The following IL1RAPL2 variants were observed in gnomAD, a reference collection of about 807,000 sequenced individuals.
The protein encoded by IL1RAPL2 is X-linked interleukin-1 receptor accessory protein-like 2.
A neutral mutation model predicts 44.1 loss-of-function variants in IL1RAPL2; 3 were observed. That is an observed-to-expected ratio of 0.07 (90% CI 0.03 to 0.18). IL1RAPL2 has a LOEUF of 0.18. Among genes scored for constraint, IL1RAPL2 ranks in the 10% least tolerant of loss-of-function variants. The pLI is 1.00. For synonymous variants in IL1RAPL2, 181 were observed against 178.8 expected, an observed-to-expected ratio of 1.01 and a Z score of -0.10; for missense variants, 391 against 496.4, an observed-to-expected ratio of 0.79 and a Z score of 2.02.
At chrX:105,358,769 T>A (rs181504432) in intron 5 of IL1RAPL2, among the ~76,000 whole-genome samples, 54 of 109,883 alleles carry the variant, frequency 4.9e-4, no homozygotes, top group Non-Finnish European at 9.3e-4. Flanking sequence ...AGCAAACCAA[T>A]AGCATCAATC....
intron 9 of IL1RAPL2, among the ~76,000 whole-genome samples, chrX:105,752,298 CTG>C (rs1195780799): frequency 8.9e-6 from 1 of 112,454 alleles, no homozygotes; most frequent in Admixed American, 9.4e-5. Flanking sequence ...GTTTAGCACT[CTG>C]TTTAGCACAG....
At chrX:105,657,391 A>G (rs1206652103) in intron 6 of IL1RAPL2, among the ~76,000 whole-genome samples, 1 of 111,995 alleles carries the variant, frequency 8.9e-6, no homozygotes, top group East Asian at 2.8e-4. Flanking sequence ...TTTAATTTTC[A>G]TAACATTATT....
chrX:105,299,898 T>C (rs1022328047), intron 5 of IL1RAPL2, among the ~76,000 whole-genome samples: 2 of 111,839 alleles, frequency 1.8e-5, no homozygotes, highest in African/African-American at 6.5e-5. Flanking sequence ...TATCCTGAGC[T>C]GTGATCAATA....
At chrX:105,637,082 T>C (rs2037529607) in intron 6 of IL1RAPL2, among the ~76,000 whole-genome samples, 1 of 110,942 alleles carries the variant, frequency 9.0e-6, no homozygotes, top group African/African-American at 3.3e-5. Flanking sequence ...TCTGAATAAA[T>C]AGCCTTCTCT....
At chrX:105,635,556 C>T (rs1162914995) in intron 6 of IL1RAPL2, among the ~76,000 whole-genome samples, 2 of 111,566 alleles carry the variant, frequency 1.8e-5, no homozygotes, top group Non-Finnish European at 3.8e-5. Context: ...TTATTGATCA[C>T]TTTCTATGCT....
At chrX:104,681,085 C>T (rs1369390587) in intron 2 of IL1RAPL2, among the ~76,000 whole-genome samples, 1 of 111,465 alleles carries the variant, frequency 9.0e-6, no homozygotes, top group Non-Finnish European at 1.9e-5. Context: ...CAGATGTATC[C>T]AATTCAATTT....
chrX:104,685,928 AAAATAAATAAATAATAAATAAAT>A (rs1569297038), intron 2 of IL1RAPL2, among the ~76,000 whole-genome samples: 1 of 109,547 alleles, frequency 9.1e-6, no homozygotes, highest in African/African-American at 3.3e-5. Flanking sequence ...ACTCTGTCTC[AAAATAAATAAATAATAAATAAAT>A]AAATAAATAA....
chrX:104,641,838 G>T (rs1472862024), intron 1 of IL1RAPL2, among the ~76,000 whole-genome samples: 1 of 111,713 alleles, frequency 9.0e-6, no homozygotes, highest in East Asian at 2.8e-4. Context: ...CCCAGTTCCA[G>T]TGCTGTTGGG....
At chrX:105,039,929 T>C (rs2031696117) in intron 2 of IL1RAPL2, among the ~76,000 whole-genome samples, 1 of 109,851 alleles carries the variant, frequency 9.1e-6, no homozygotes, top group Non-Finnish European at 1.9e-5. Flanking sequence ...TGAATAGGAG[T>C]GGTGAGAGAG....
chrX:105,511,417 T>G (rs1339867127), intron 6 of IL1RAPL2, among the ~76,000 whole-genome samples: 1 of 111,442 alleles, frequency 9.0e-6, no homozygotes, highest in Non-Finnish European at 1.9e-5. Flanking sequence ...TTTTGTGCTG[T>G]CCTATATATA....
At chrX:104,695,372 C>T (rs753024456) in intron 2 of IL1RAPL2, among the ~76,000 whole-genome samples, 3 of 106,919 alleles carry the variant, frequency 2.8e-5, no homozygotes, top group African/African-American at 6.7e-5. Flanking sequence ...AGAGAGAGAG[C>T]GAGCACGAGA....
chrX:105,694,766 C>G (rs1443431373), intron 6 of IL1RAPL2, among the ~76,000 whole-genome samples: 1 of 111,406 alleles, frequency 9.0e-6, no homozygotes, highest in East Asian at 2.8e-4. Context: ...CCTTCCATGT[C>G]AGCTAATATA....
intron 5 of IL1RAPL2, among the ~76,000 whole-genome samples, chrX:105,447,095 A>ATATATATC (rs1556322981): frequency 1.7e-5 from 1 of 58,292 alleles, no homozygotes; most frequent in Non-Finnish European, 2.6e-5. Context: ...ATATATATAT[A>ATATATATC]TATATATATA....
intron 6 of IL1RAPL2, among the ~76,000 whole-genome samples, chrX:105,613,178 A>G (rs1487067235): frequency 9.0e-6 from 1 of 111,237 alleles, no homozygotes; most frequent in Non-Finnish European, 1.9e-5. Context: ...GGTAGGGCCC[A>G]TTTCCAGGCC....
At chrX:104,675,751 A>T (rs1037820532) in intron 2 of IL1RAPL2, among the ~76,000 whole-genome samples, 4 of 109,855 alleles carry the variant, frequency 3.6e-5, no homozygotes, top group African/African-American at 1.3e-4. Context: ...TTTGTAGGTC[A>T]CTCAGGACTT....
At chrX:104,943,692 A>G (rs1318877951) in intron 2 of IL1RAPL2, among the ~76,000 whole-genome samples, 1 of 111,216 alleles carries the variant, frequency 9.0e-6, no homozygotes, top group East Asian at 2.8e-4. Context: ...ACACCACTTA[A>G]AATTGCAACT....
At chrX:105,293,505 G>A (rs746464716) in intron 5 of IL1RAPL2, among the ~76,000 whole-genome samples, 7 of 111,950 alleles carry the variant, frequency 6.3e-5, no homozygotes, top group South Asian at 3.8e-4. Context: ...GAGAATACCC[G>A]TTTCCCCAAA....
chrX:104,707,281 C>A (rs1486445711), intron 2 of IL1RAPL2, among the ~76,000 whole-genome samples: 2 of 111,438 alleles, frequency 1.8e-5, no homozygotes, highest in African/African-American at 6.5e-5. Context: ...TTTGGGTAAT[C>A]TATCAAAAGG....
chrX:105,109,636 AT>A (rs2032781358), intron 2 of IL1RAPL2, among the ~76,000 whole-genome samples: 1 of 111,868 alleles, frequency 8.9e-6, no homozygotes, highest in South Asian at 3.8e-4. Context: ...ACAGTATGGA[AT>A]TACTTTTGGG....
Sources: gnomAD v4.1 joint callset for allele counts (sites outside exome capture counted in the v4.1 genomes callset) on GRCh38, gnomAD v4.1.1 for gene constraint, MANE v1.5 for transcripts, NCBI Gene and HGNC (gene_info 2026-07-23, HGNC 2026-07-21) for gene names.